Variants in PRKG1 observed in about 807,000 individuals in gnomAD.
PRKG1 encodes the protein cGMP-dependent protein kinase 1.
Under a neutral mutation model 88.1 loss-of-function variants are expected in PRKG1, and 35 were observed. The observed-to-expected ratio is 0.40, with a 90% CI of 0.30 to 0.53. PRKG1 has a LOEUF of 0.53. Among genes scored for constraint, PRKG1 ranks in the 20% least tolerant of loss-of-function variants. The pLI is 0.59. For missense variants in PRKG1, 540 were observed against 839.8 expected (o/e 0.64, Z 4.41); for synonymous variants, 303 against 292.5 (o/e 1.04, Z -0.37).
At chr10:51,410,270 A>ATGTGTGTGTG (rs71459418) in intron 2 of PRKG1, among the ~76,000 whole-genome samples, 1 of 146,798 alleles carries the variant, frequency 6.8e-6, no homozygotes, top group Non-Finnish European at 1.5e-5. Flanking sequence ...ATATATATAT[A>ATGTGTGTGTG]TGTGTGTGTG....
chr10:51,951,867 G>A (rs1843193257), intron 5 of PRKG1, among the ~76,000 whole-genome samples: 1 of 152,134 alleles, frequency 6.6e-6, no homozygotes, highest in African/African-American at 2.4e-5. Flanking sequence ...TATGAGTGGT[G>A]ACCTATGAAT....
chr10:51,409,893 A>C (rs1838030475), intron 2 of PRKG1, among the ~76,000 whole-genome samples: 1 of 148,824 alleles, frequency 6.7e-6, no homozygotes, highest in Admixed American at 6.7e-5. Flanking sequence ...TCTGCAGAAG[A>C]TGTCAGGGCC....
At chr10:51,286,766 G>A (rs886990095) in intron 2 of PRKG1, among the ~76,000 whole-genome samples, 1 of 152,140 alleles carries the variant, frequency 6.6e-6, no homozygotes, top group Non-Finnish European at 1.5e-5. Context: ...TCCTACAGTG[G>A]TATAGAACAC....
intron 2 of PRKG1, among the ~76,000 whole-genome samples, chr10:51,408,754 G>A (rs546837832): frequency 1.3e-5 from 2 of 152,294 alleles, no homozygotes; most frequent in African/African-American, 4.8e-5. Context: ...TTTGTTCATG[G>A]GCCCATTAGG....
intron 3 of PRKG1, among the ~76,000 whole-genome samples, chr10:51,691,412 A>G (rs1841141018): frequency 6.7e-6 from 1 of 150,236 alleles, no homozygotes; most frequent in South Asian, 2.1e-4. Flanking sequence ...GGCTGAAGTG[A>G]TCCTCCCACT....
chr10:51,753,256 A>T (rs11597022), intron 3 of PRKG1, among the ~76,000 whole-genome samples: 53,826 of 151,954 alleles, frequency 0.35, 10,486 homozygotes, highest in Middle Eastern at 0.52. Context: ...AAATCTACAT[A>T]TCATGAAATT....
intron 3 of PRKG1, among the ~76,000 whole-genome samples, chr10:51,520,350 G>A (rs1284982746): frequency 6.7e-6 from 1 of 149,210 alleles, no homozygotes; most frequent in Non-Finnish European, 1.5e-5. Flanking sequence ...TATATTATAT[G>A]TATATTTAAA....
In PRKG1 at chr10:51,345,631, G is replaced by A. The variant is rs138788307; in HGVS notation, c.479-122092G>A. Among the ~76,000 whole-genome samples, 7 of 152,210 alleles carry A rather than the reference G, an allele frequency of 4.6e-5. No individual in the cohort carries two copies. In the East Asian group the frequency reaches 1.4e-3, roughly 29 times the overall value. Reference sequence around the variant, plus strand: ...AAAATCCCATACATAATCTCATTTGGAACAAGCAAACAACATAAAACAGGC... The same window carrying A: ...AAAATCCCATACATAATCTCATTTGAAACAAGCAAACAACATAAAACAGGC... On this transcript the variant is annotated intron_variant, in intron 2 of 17. Coordinates refer to ENST00000373980, the MANE Select transcript of PRKG1 (RefSeq NM_006258.4).
chr10:52,048,432 G>C (rs929331106), intron 5 of PRKG1, among the ~76,000 whole-genome samples: 5 of 152,076 alleles, frequency 3.3e-5, no homozygotes, highest in Non-Finnish European at 7.4e-5. Flanking sequence ...GAAATTGCTA[G>C]TTAAAATATG....
intron 2 of PRKG1, among the ~76,000 whole-genome samples, chr10:51,165,066 C>G (rs558142596): frequency 8.6e-5 from 13 of 152,042 alleles, no homozygotes; most frequent in East Asian, 3.9e-4. Flanking sequence ...AGATACTCCT[C>G]GAGAAGAGCA....
intron 2 of PRKG1, among the ~76,000 whole-genome samples, chr10:51,196,816 C>G (rs1837779905): frequency 6.6e-6 from 1 of 152,170 alleles, no homozygotes; most frequent in Non-Finnish European, 1.5e-5. Context: ...TGGCCACTTT[C>G]TGCAGATGAA....
intron 1 of PRKG1, among the ~76,000 whole-genome samples, chr10:51,032,786 G>C (rs1018201901): frequency 6.6e-6 from 1 of 151,938 alleles, no homozygotes; most frequent in African/African-American, 2.4e-5. Context: ...TTATTTTGGG[G>C]TATGTGTATG....
chr10:51,376,280 C>G (rs757059201), intron 2 of PRKG1, among the ~76,000 whole-genome samples: 1 of 152,116 alleles, frequency 6.6e-6, no homozygotes, highest in Non-Finnish European at 1.5e-5. Flanking sequence ...TTCCTTCTAG[C>G]TTACATTTTT....
chr10:51,776,318 C>G (rs752619985), intron 3 of PRKG1, among the ~76,000 whole-genome samples: 1 of 152,072 alleles, frequency 6.6e-6, no homozygotes, highest in Non-Finnish European at 1.5e-5. Flanking sequence ...AGAGTAAATG[C>G]AAAATGCACA....
At chr10:52,140,763 C>A (rs1303108338) in intron 8 of PRKG1, among the ~76,000 whole-genome samples, 1 of 151,960 alleles carries the variant, frequency 6.6e-6, no homozygotes, top group Non-Finnish European at 1.5e-5. Context: ...CTTGCAGGCA[C>A]CACTCTAAGA....
At position 51,391,934 on chromosome 10, in the gene PRKG1, G is replaced by A. The variant is rs1588907793; in HGVS notation, c.479-75789G>A. ...CCAATGGATATTTTTCCTTGCCCAT[G>A]AAAGTTATGACTGGTTCTGCTTATT... On this transcript the variant is annotated intron_variant, in intron 2 of 17. Coordinates refer to ENST00000373980, the MANE Select transcript of PRKG1 (RefSeq NM_006258.4). Among the ~76,000 whole-genome samples the A allele has an allele frequency of 2.6e-5, 4 of 152,272 alleles. No homozygotes were observed. In the South Asian group the frequency reaches 6.2e-4, roughly 24 times the overall value.
chr10:52,175,610 C>T lies in PRKG1; in HGVS notation c.1076+13647C>T, dbSNP rs149082235. ...TGGATATTCTAGTTTACATTCCCAC[C>T]GACGGTATACAAGAGTTCCGTTTTC... On this transcript the variant is annotated intron_variant, in intron 9 of 17. Transcript: ENST00000373980. 1.5e-3 allele frequency among the ~76,000 whole-genome samples: 225 copies of T among 152,110 alleles called. 2 individuals carry two copies. Among genetic ancestry groups the T allele is most frequent in the African/African-American group, 4.8e-3 (200 of 41,524 alleles).
intron 7 of PRKG1, among the ~76,000 whole-genome samples, chr10:52,077,038 C>T (rs925828303): frequency 2.6e-5 from 4 of 151,652 alleles, no homozygotes; most frequent in Non-Finnish European, 5.9e-5. Context: ...TACCATCTGA[C>T]CCAGCCATTC....
At chr10:51,287,355 C>T (rs758248528) in intron 2 of PRKG1, among the ~76,000 whole-genome samples, 1 of 152,168 alleles carries the variant, frequency 6.6e-6, no homozygotes, top group Non-Finnish European at 1.5e-5. Context: ...TGGGAATTCA[C>T]TGAAATAATT....
Sources: allele counts gnomAD v4.1 joint callset (sites outside exome capture counted in the v4.1 genomes callset), GRCh38; gene constraint gnomAD v4.1.1; transcripts MANE v1.5; gene names NCBI Gene and HGNC (gene_info 2026-07-23, HGNC 2026-07-21).